PSD2: variants seen among roughly 807,000 people sequenced by gnomAD.
The protein encoded by PSD2 is PH and SEC7 domain-containing protein 2.
In PSD2, 38 loss-of-function variants were observed where a neutral mutation model predicts 69.8. That is an observed-to-expected ratio of 0.54 (90% CI 0.42 to 0.71). PSD2 has a LOEUF of 0.71. Among genes scored for constraint, PSD2 ranks in the 30% least tolerant of loss-of-function variants. PSD2 has a pLI of 0.00. For synonymous variants in PSD2, 412 were observed against 423.0 expected (o/e 0.97, Z 0.32); for missense variants, 943 against 1,014.5 (o/e 0.93, Z 0.96).
chr5:139,778,657 G>A, the PSD2 span, among the ~76,000 whole-genome samples: 10 of 152,072 alleles, frequency 6.6e-5, no homozygotes, highest in Admixed American at 6.6e-4. Context: ...AGGGTCAGGC[G>A]TGGTGGCTTA....
intron 7 of PSD2, among the ~76,000 whole-genome samples, chr5:139,830,496 A>G (rs1383592604): frequency 2.0e-5 from 3 of 149,592 alleles, no homozygotes; most frequent in Admixed American, 6.6e-5. Context: ...AACCACAAGC[A>G]TGTGCCATCA....
upstream of PSD2, among the ~76,000 whole-genome samples, chr5:139,793,721 A>G (rs1037334575): frequency 2.6e-5 from 4 of 152,220 alleles, no homozygotes; most frequent in African/African-American, 9.6e-5. Flanking sequence ...CATCCAGTGG[A>G]CAACAATTAA....
At chr5:139,750,070 A>G in the PSD2 span, among the ~76,000 whole-genome samples, 1 of 151,654 alleles carries the variant, frequency 6.6e-6, no homozygotes, top group African/African-American at 2.4e-5. Context: ...TCATGCCTGT[A>G]ATCCCAGCAC....
chr5:139,838,857 G>A, intron 13 of PSD2, 85 bp downstream of exon 13: 2 of 1,456,084 alleles, frequency 1.4e-6, no homozygotes, highest in Non-Finnish European at 1.9e-6. Context: ...CCCCAGCTCT[G>A]TCTCTAGGCT....
intron 1 of PSD2, among the ~76,000 whole-genome samples, chr5:139,807,376 T>G (rs1759835770): frequency 7.5e-6 from 1 of 133,630 alleles, no homozygotes; most frequent in Non-Finnish European, 1.6e-5. Flanking sequence ...CTCAGGAGTC[T>G]CAGTTGAGAA....
chr5:139,835,657 G>T, intron 8 of PSD2, 66 bp from the exon 9 acceptor site: 2 of 1,486,432 alleles, frequency 1.3e-6, no homozygotes, highest in African/African-American at 1.4e-5. Context: ...CCATGTTATT[G>T]GTGGTAGATG....
At chr5:139,816,585 C>T (rs536941185) in intron 4 of PSD2, among the ~76,000 whole-genome samples, 12 of 152,200 alleles carry the variant, frequency 7.9e-5, no homozygotes, top group African/African-American at 2.7e-4. Flanking sequence ...AAATGGGCAG[C>T]GAGCTCCAGG....
intron 1 of PSD2, among the ~76,000 whole-genome samples, chr5:139,802,176 G>A (rs1759689988): frequency 6.7e-6 from 1 of 148,730 alleles, no homozygotes; most frequent in Admixed American, 6.7e-5. Context: ...ATAACACAGA[G>A]ATTGGGGAGG....
At chr5:139,842,211 G>A (rs1362000736) in intron 14 of PSD2, 60 bp from the exon 15 acceptor site, 12 of 1,397,510 alleles carry the variant, frequency 8.6e-6, no homozygotes, top group Non-Finnish European at 1.2e-5. Flanking sequence ...TGTCATATAA[G>A]GTGCACATAC....
chr5:139,827,593 A>G (rs900216667), intron 7 of PSD2, among the ~76,000 whole-genome samples: 1 of 152,238 alleles, frequency 6.6e-6, no homozygotes, highest in Non-Finnish European at 1.5e-5. Flanking sequence ...TCACATTGCT[A>G]TAAAGAACTT....
chr5:139,799,165 G>A (rs946655202), intron 1 of PSD2, among the ~76,000 whole-genome samples: 1 of 152,062 alleles, frequency 6.6e-6, no homozygotes, highest in African/African-American at 2.4e-5. Context: ...AGTAGGTGGT[G>A]GTAAGTTAGG....
rs1053538977 is a variant in PSD2 at position 139,837,314 on chromosome 5, G to A, written c.1665+76G>A. Reference sequence around the variant, plus strand: ...TCCCGCCCTGGCCTTGTGGCACCCCGAAGCCCCAGGCAGGACCTGGGGCTC... The same window carrying A: ...TCCCGCCCTGGCCTTGTGGCACCCCAAAGCCCCAGGCAGGACCTGGGGCTC... On this transcript the variant is annotated intron_variant, in intron 11 of 14. Coordinates refer to ENST00000274710, the MANE Select transcript of PSD2 (RefSeq NM_032289.4). The surrounding 1 kb of genome is among the most constrained non-coding windows in gnomAD (Gnocchi z 5.0). 54 of 1,252,444 alleles carry A rather than the reference G, an allele frequency of 4.3e-5. No individual in the cohort carries two copies. Among genetic ancestry groups the A allele is most frequent in the South Asian group, 1.4e-4 (11 of 80,228 alleles). The allele number at this position is 1,252,444 out of a possible 1,614,324, so 77.6% of individuals were successfully genotyped here.
At chr5:139,813,121 C>A (rs1435914517) in intron 2 of PSD2, among the ~76,000 whole-genome samples, 188 bp from the exon 3 acceptor site, 2 of 152,214 alleles carry the variant, frequency 1.3e-5, no homozygotes, top group Non-Finnish European at 2.9e-5. Flanking sequence ...CTTTTCCCTG[C>A]AGTATTCCCA....
At chr5:139,771,925 G>A in the PSD2 span, among the ~76,000 whole-genome samples, 1 of 152,204 alleles carries the variant, frequency 6.6e-6, no homozygotes, top group South Asian at 2.1e-4. Flanking sequence ...CCTGCAGAGG[G>A]GCCTCAGAAA....
intron 1 of PSD2, among the ~76,000 whole-genome samples, chr5:139,808,058 G>A (rs1251952258): frequency 1.3e-5 from 2 of 152,232 alleles, no homozygotes; most frequent in Non-Finnish European, 2.9e-5. Context: ...TAGAAGGGCA[G>A]CCAGTGCCTC....
chr5:139,802,792 A>T (rs989367995), intron 1 of PSD2, among the ~76,000 whole-genome samples: 1 of 152,136 alleles, frequency 6.6e-6, no homozygotes, highest in African/African-American at 2.4e-5. Flanking sequence ...GAGGGTGCCA[A>T]TTGGCTGGGG....
chr5:139,765,359 C>T, the PSD2 span, among the ~76,000 whole-genome samples: 20 of 152,204 alleles, frequency 1.3e-4, no homozygotes, highest in Admixed American at 3.3e-4. Flanking sequence ...TTAAATAGCC[C>T]CCAGGGACCA....
At chr5:139,757,117 C>T in the PSD2 span, among the ~76,000 whole-genome samples, 2 of 152,204 alleles carry the variant, frequency 1.3e-5, no homozygotes, top group Non-Finnish European at 2.9e-5. Context: ...CGGATTCTCT[C>T]CTGGGAGGTC....
chr5:139,787,638 C>T, the PSD2 span, among the ~76,000 whole-genome samples: 1 of 152,206 alleles, frequency 6.6e-6, no homozygotes, highest in Non-Finnish European at 1.5e-5. Flanking sequence ...GCAGGTGGCG[C>T]CCCGACCCCA....
Sources: gnomAD v4.1 joint callset for allele counts (sites outside exome capture counted in the v4.1 genomes callset) on GRCh38, gnomAD v4.1.1 for gene constraint, Gnocchi (gnomAD v3.1) non-coding constraint, MANE v1.5 for transcripts, NCBI Gene and HGNC (gene_info 2026-07-23, HGNC 2026-07-21) for gene names.